RBM33: variants seen among roughly 807,000 people sequenced by gnomAD.
RBM33 encodes RNA binding motif protein 33.
In RBM33, 28 loss-of-function variants were observed where a neutral mutation model predicts 132.6. That is an observed-to-expected ratio of 0.21 (90% CI 0.16 to 0.29). RBM33 has a LOEUF of 0.29. Among genes scored for constraint, RBM33 ranks in the 10% least tolerant of loss-of-function variants. RBM33 has a pLI of 1.00. For synonymous variants in RBM33, 634 were observed against 593.0 expected, an observed-to-expected ratio of 1.07 and a Z score of -1.01; for missense variants, 1,291 against 1,518.5, an observed-to-expected ratio of 0.85 and a Z score of 2.49.
intron 9 of RBM33, among the ~76,000 whole-genome samples, chr7:155,732,575 C>G (rs1263457344): frequency 1.3e-5 from 2 of 152,148 alleles, no homozygotes; most frequent in Non-Finnish European, 1.5e-5. Context: ...GCATACTGTT[C>G]CTATATTTAA....
intron 6 of RBM33, among the ~76,000 whole-genome samples, chr7:155,706,454 A>G (rs941014715): frequency 6.6e-6 from 1 of 151,810 alleles, no homozygotes; most frequent in African/African-American, 2.4e-5. Flanking sequence ...AGATCACGCC[A>G]CTGTGCTCTA....
At chr7:155,677,954 A>T (rs1799230113) in intron 3 of RBM33, among the ~76,000 whole-genome samples, 1 of 152,172 alleles carries the variant, frequency 6.6e-6, no homozygotes, top group African/African-American at 2.4e-5. Flanking sequence ...GTAGTGAGAC[A>T]GTGTGAATAA....
Position 155,745,786 on chromosome 7 carries a change from A to C in RBM33, c.2979+184A>C. 1 of 638,530 alleles carries C rather than the reference A, an allele frequency of 1.6e-6. No individual in the cohort carries two copies. Among genetic ancestry groups the C allele is most frequent in the Admixed American group, 3.1e-5 (1 of 32,168 alleles). 39.6% of individuals were successfully genotyped at this position (638,530 alleles called of 1,614,324 possible). ...TTGACGACAGGCATACATTCTCAGA[A>C]ATGTGTTGTTAGGCGATTTTGTCAT... On this transcript the variant is annotated intron_variant, in intron 14 of 17. Transcript: ENST00000401878. This position sits in a 1 kb window ranked among gnomAD's most constrained non-coding sequence, Gnocchi z 4.1.
intron 1 of RBM33, among the ~76,000 whole-genome samples, chr7:155,646,080 TG>T (rs1271278966): frequency 2.0e-5 from 3 of 152,202 alleles, no homozygotes; most frequent in Non-Finnish European, 2.9e-5. Context: ...CAGAATTACT[TG>T]TTTTATAGCA....
chr7:155,746,526 A>C (rs1471102332), intron 14 of RBM33: 1 of 152,160 alleles, frequency 6.6e-6, no homozygotes, highest in Non-Finnish European at 1.5e-5. Flanking sequence ...GCAGTTTTCC[A>C]CTGTAGTTTG....
Position 155,714,013 on chromosome 7 carries a change from G to A in RBM33, c.1201+2558G>A, listed in dbSNP as rs539351352. ...GGGTAGCAGGGAGCTAGAGTGGGGA[G>A]GTAGGAGGGCGTGTTGAAGGTCTGA... On this transcript the variant is annotated intron_variant, in intron 8 of 17. Coordinates refer to ENST00000401878, the MANE Select transcript of RBM33 (RefSeq NM_053043.3). Among the ~76,000 whole-genome samples the A allele has an allele frequency of 3.9e-5, 6 of 152,204 alleles. No homozygotes were observed. The South Asian group carries it at 1.0e-3, about 26-fold the overall frequency.
intron 6 of RBM33, among the ~76,000 whole-genome samples, chr7:155,702,530 G>A (rs768946393): frequency 6.6e-6 from 1 of 152,194 alleles, no homozygotes; most frequent in Admixed American, 6.5e-5. Flanking sequence ...AAGATGGAGC[G>A]AAGGTCTTAA....
chr7:155,668,010 T>C (rs1257135786), intron 2 of RBM33, among the ~76,000 whole-genome samples: 1 of 152,174 alleles, frequency 6.6e-6, no homozygotes, highest in Non-Finnish European at 1.5e-5. Context: ...GAATATATTT[T>C]TCTAAAAAAT....
chr7:155,724,865 T>C (rs1800735258), intron 9 of RBM33, among the ~76,000 whole-genome samples: 2 of 152,346 alleles, frequency 1.3e-5, no homozygotes, highest in South Asian at 4.1e-4. Context: ...GTCTTTTCTA[T>C]TGCTCAGTAG....
chr7:155,739,563 A>G (rs1801245836), intron 11 of RBM33, 152 bp from the exon 12 acceptor site: 1 of 750,672 alleles, frequency 1.3e-6, no homozygotes, highest in Non-Finnish European at 2.1e-6. Flanking sequence ...TGCATTTTAG[A>G]TAGTATTACC....
chr7:155,730,680 A>C (rs1409830268), intron 9 of RBM33, among the ~76,000 whole-genome samples: 1 of 152,240 alleles, frequency 6.6e-6, no homozygotes, highest in African/African-American at 2.4e-5. Flanking sequence ...GTAAGTTAGA[A>C]TAAAGTTCTG....
At chr7:155,658,901 C>T (rs1798566387) in intron 1 of RBM33, among the ~76,000 whole-genome samples, 1 of 152,172 alleles carries the variant, frequency 6.6e-6, no homozygotes, top group Non-Finnish European at 1.5e-5. Flanking sequence ...TTATTTTCAT[C>T]CCCCTCTGCT....
intron 1 of RBM33, among the ~76,000 whole-genome samples, chr7:155,648,584 G>C (rs118036341): frequency 6.6e-6 from 1 of 152,148 alleles, no homozygotes; most frequent in Non-Finnish European, 1.5e-5. Context: ...GCTGATAAAT[G>C]AGATGTTTTC....
At position 155,764,029 on chromosome 7, in the gene RBM33, T is replaced by A. The variant is rs775043356; in HGVS notation, c.3186+11T>A. On this transcript the variant is annotated intron_variant, in intron 15 of 17. Coordinates refer to ENST00000401878, the MANE Select transcript of RBM33 (RefSeq NM_053043.3). ...CACCCGGCGAAGAAGGTACTGCTTGTTGCCTCGCACGCAGCCCTGGAAACG... is the reference window on the plus strand; with the variant it reads ...CACCCGGCGAAGAAGGTACTGCTTGATGCCTCGCACGCAGCCCTGGAAACG... The A allele has an allele frequency of 6.6e-7, 1 of 1,510,522 alleles. No individual in the cohort carries two copies. The highest frequency in any genetic ancestry group is 2.4e-5 in the East Asian group (1 of 41,764). The allele number at this position is 1,510,522 out of a possible 1,614,324, so 93.6% of individuals were successfully genotyped here.
intron 1 of RBM33, among the ~76,000 whole-genome samples, chr7:155,657,250 A>C (rs1370931619): frequency 6.6e-6 from 1 of 152,318 alleles, no homozygotes; most frequent in East Asian, 1.9e-4. Flanking sequence ...GGAAAGTGCT[A>C]CGTAGCACGA....
intron 9 of RBM33, among the ~76,000 whole-genome samples, chr7:155,733,978 C>G (rs1417195881): frequency 1.3e-5 from 2 of 152,226 alleles, no homozygotes; most frequent in African/African-American, 4.8e-5. Context: ...AGGTTCCAGA[C>G]TTGGCAGACA....
chr7:155,744,949 T>C lies in RBM33; in HGVS notation c.2338-12T>C, dbSNP rs1801463602. 1.3e-6 allele frequency: 2 copies of C among 1,542,400 alleles called. No individual in the cohort carries two copies. The highest frequency in any genetic ancestry group is 4.5e-5 in the East Asian group (2 of 44,402). ...GTATAGCAAAGTAAACCGTGTATGTTTTCCATTTTAGTTTCCTGATGAAGA... is the reference window on the plus strand; with the variant it reads ...GTATAGCAAAGTAAACCGTGTATGTCTTCCATTTTAGTTTCCTGATGAAGA... On this transcript the variant is annotated splice_polypyrimidine_tract_variant and intron_variant, in intron 13 of 17. Transcript: ENST00000401878.
Position 155,745,289 on chromosome 7 carries a change from A to C in RBM33, c.2666A>C (p.Lys889Thr). 1 of 1,613,008 alleles carries C rather than the reference A, an allele frequency of 6.2e-7. No homozygotes were observed. Reference protein sequence around the residue: ...QDVSISNVQPKTSNFVPSSAN... With the variant: ...QDVSISNVQPTTSNFVPSSAN... The stretch of plus-strand genomic sequence containing the variant: ...GTCAGTATTTCAAACGTTCAGCCCA[A>C]AACATCCAATTTTGTACCATCCAGT... The change falls in exon 14 of 18, where the codon AAA (lysine) becomes ACA (threonine). Residue 889 changes from lysine (K) to threonine (T), a missense_variant. Around this residue, in one of 7 missense-constraint regions of RBM33, gnomAD observed 841 missense variants for 912.0 expected, o/e 0.92. Coordinates refer to ENST00000401878, the MANE Select transcript of RBM33 (RefSeq NM_053043.3). This position sits in a 1 kb window ranked among gnomAD's most constrained non-coding sequence, Gnocchi z 4.1.
intron 9 of RBM33, among the ~76,000 whole-genome samples, chr7:155,734,704 C>G (rs552913074): frequency 6.6e-6 from 1 of 151,998 alleles, no homozygotes; most frequent in Non-Finnish European, 1.5e-5. Flanking sequence ...CCTCCTCCCC[C>G]GAAATAAGTG....
Sources: allele counts gnomAD v4.1 joint callset (sites outside exome capture counted in the v4.1 genomes callset), GRCh38; gene constraint gnomAD v4.1.1; regional missense constraint gnomAD v4.1.1; non-coding constraint Gnocchi (gnomAD v3.1); transcripts MANE v1.5; gene names NCBI Gene and HGNC (gene_info 2026-07-23, HGNC 2026-07-21).